Variants in MGST1 observed in about 807,000 individuals in gnomAD.
The protein encoded by MGST1 is glutathione S-transferase 12.
In MGST1, 5 loss-of-function variants were observed where a neutral mutation model predicts 8.9. The ratio of observed to expected loss-of-function variants is 0.56; its 90% CI spans 0.29 to 1.19. The LOEUF is 1.19. Ranked by LOEUF, MGST1 falls within the 50% of genes most tolerant of loss-of-function variation. The pLI is 0.08. For synonymous variants in MGST1, 54 were observed against 67.8 expected, an observed-to-expected ratio of 0.80 and a Z score of 1.00; for missense variants, 182 against 187.4, an observed-to-expected ratio of 0.97 and a Z score of 0.17.
rs889511869 is a variant in MGST1, at chr12:16,513,462, T to C, written n.483-76066T>C. On this transcript the variant is annotated intron_variant and non_coding_transcript_variant, in intron 4 of 4. Transcript: ENST00000538857. This position sits in a 1 kb window ranked among gnomAD's most constrained non-coding sequence, Gnocchi z 4.2. ...GCCTTCCACCCGGGCTCGCCTCTGA[T>C]GCCCCTGCCAGAGCCAGCTCCTGGT... 9.3e-6 allele frequency: 4 copies of C among 430,414 alleles called. No individual in the cohort carries two copies. Among genetic ancestry groups the C allele is most frequent in the African/African-American group, 4.1e-5 (2 of 48,638 alleles). The allele number at this position is 430,414 out of a possible 1,614,324, so 26.7% of individuals were successfully genotyped here.
At chr12:16,493,549 C>G (rs184279108) in intron 4 of MGST1, among the ~76,000 whole-genome samples, 121 of 152,234 alleles carry the variant, frequency 7.9e-4, no homozygotes, top group African/African-American at 2.8e-3. Flanking sequence ...CTTCAATTGG[C>G]CAAGTCCTGA....
At chr12:16,381,898 C>T (rs1417259975), downstream of MGST1, among the ~76,000 whole-genome samples, 1 of 152,194 alleles carries the variant, frequency 6.6e-6, no homozygotes, top group Non-Finnish European at 1.5e-5. Context: ...CATCTTCCAT[C>T]ACTGATACCC....
chr12:16,373,173 C>G (rs1226452234), intron 3 of MGST1, among the ~76,000 whole-genome samples: 1 of 151,530 alleles, frequency 6.6e-6, no homozygotes, highest in Non-Finnish European at 1.5e-5. Flanking sequence ...ATCTCATGTT[C>G]TCACTCATAT....
intron 4 of MGST1, among the ~76,000 whole-genome samples, chr12:16,451,765 A>C (rs1941131397): frequency 6.6e-6 from 1 of 151,894 alleles, no homozygotes; most frequent in Admixed American, 6.6e-5. Context: ...ATTATTGCAT[A>C]TCTGACTTTG....
rs1398421307 is a variant in MGST1, at chr12:16,544,394, A to C, written n.483-45134A>C. ...AAAGAGTTGTCATACAAAAGAGAAA[A>C]AGCCAAATATGATATATGTGGCTTG... On this transcript the variant is annotated intron_variant and non_coding_transcript_variant, in intron 4 of 4. Transcript: ENST00000538857. The surrounding 1 kb of genome is among the most constrained non-coding windows in gnomAD (Gnocchi z 4.8). Among the ~76,000 whole-genome samples the C allele has an allele frequency of 6.6e-6, 1 of 152,048 alleles. No individual in the cohort carries two copies. The highest frequency in any genetic ancestry group is 1.5e-5 in the Non-Finnish European group (1 of 67,966).
At chr12:16,355,549 A>G (rs574292041) in intron 2 of MGST1, among the ~76,000 whole-genome samples, 79 of 152,188 alleles carry the variant, frequency 5.2e-4, no homozygotes, top group African/African-American at 1.8e-3. Context: ...AATGGAGGGA[A>G]CACCTCTCAT....
chr12:16,533,636 G>A (rs1941736173), intron 4 of MGST1, among the ~76,000 whole-genome samples: 1 of 151,820 alleles, frequency 6.6e-6, no homozygotes, highest in South Asian at 2.1e-4. Flanking sequence ...CTGATTGATT[G>A]ATTAATGAAG....
chr12:16,467,473 C>T (rs767808157), intron 4 of MGST1, among the ~76,000 whole-genome samples: 26 of 152,148 alleles, frequency 1.7e-4, no homozygotes, highest in Admixed American at 2.0e-4. Context: ...ACAGAACTTA[C>T]TCTGAATAAA....
intron 4 of MGST1, among the ~76,000 whole-genome samples, chr12:16,493,140 G>T (rs917183921): frequency 1.3e-5 from 2 of 152,288 alleles, no homozygotes; most frequent in African/African-American, 4.8e-5. Context: ...TTATGGTTGT[G>T]CCAGTGACCA....
chr12:16,433,212 G>A (rs1294777982), intron 1 of MGST1, among the ~76,000 whole-genome samples: 1 of 151,966 alleles, frequency 6.6e-6, no homozygotes, highest in Non-Finnish European at 1.5e-5. Flanking sequence ...ATCTTTCTAC[G>A]TTCTTCTGCC....
intron 1 of MGST1, chr12:16,400,150 C>G: frequency 7.3e-7 from 1 of 1,370,784 alleles, no homozygotes. Context: ...GAGGTCATCT[C>G]GGTCATGCAT....
At position 16,548,927 on chromosome 12, in the gene MGST1, C is replaced by T. The variant is rs902339787; in HGVS notation, n.483-40601C>T. Reference sequence around the variant, plus strand: ...TCAGCATATTATGTAAAAGAAAAAGCAGTGAAAACCTTGTTTGGTCTTCCA... The same window carrying T: ...TCAGCATATTATGTAAAAGAAAAAGTAGTGAAAACCTTGTTTGGTCTTCCA... On this transcript the variant is annotated intron_variant and non_coding_transcript_variant, in intron 4 of 4. Coordinates refer to the MGST1 transcript ENST00000538857. This position sits in a 1 kb window ranked among gnomAD's most constrained non-coding sequence, Gnocchi z 4.2. The T allele has an allele frequency of 1.3e-5, 2 of 152,030 alleles. No individual in the cohort carries two copies. The highest frequency in any genetic ancestry group is 2.9e-5 in the Non-Finnish European group (2 of 67,988). 9.4% of individuals were successfully genotyped at this position (152,030 alleles called of 1,614,324 possible). A position where few individuals can be genotyped will look rare whatever the true frequency, so the allele number is the denominator to read the frequency against.
At chr12:16,388,739 A>G (rs1432855045) in intron 1 of MGST1, among the ~76,000 whole-genome samples, 1 of 152,230 alleles carries the variant, frequency 6.6e-6, no homozygotes, top group Non-Finnish European at 1.5e-5. Flanking sequence ...ACACTGGCCT[A>G]GGCATTATCA....
intron 1 of MGST1, among the ~76,000 whole-genome samples, chr12:16,421,373 G>C (rs565365278): frequency 9.2e-5 from 14 of 152,208 alleles, no homozygotes; most frequent in African/African-American, 3.4e-4. Context: ...TCAAATTATT[G>C]TTTTGTTCTC....
intron 1 of MGST1, among the ~76,000 whole-genome samples, chr12:16,384,801 C>G (rs79992593): frequency 0.023 from 3,500 of 152,324 alleles, 64 homozygotes; most frequent in Non-Finnish European, 0.037. Context: ...GAGAAAACCC[C>G]TAAGTATCTC....
intron 1 of MGST1, among the ~76,000 whole-genome samples, chr12:16,394,260 G>T (rs1301089063): frequency 6.6e-6 from 1 of 151,864 alleles, no homozygotes; most frequent in Non-Finnish European, 1.5e-5. Flanking sequence ...TTTTTTTATT[G>T]TGGCAAGTAT....
intron 4 of MGST1, among the ~76,000 whole-genome samples, chr12:16,491,937 C>T (rs1565463984): frequency 6.6e-6 from 1 of 152,112 alleles, no homozygotes; most frequent in East Asian, 1.9e-4. Flanking sequence ...TTTAAAATAT[C>T]AAGGTAGCAC....
chr12:16,541,234 CTTTG>C (rs986900659), intron 4 of MGST1, among the ~76,000 whole-genome samples: 2 of 151,906 alleles, frequency 1.3e-5, no homozygotes, highest in Non-Finnish European at 2.9e-5. Context: ...TAAATATTAT[CTTTG>C]TTTTTCTTTT....
chr12:16,471,578 G>C (rs1427254252), intron 4 of MGST1, among the ~76,000 whole-genome samples: 1 of 152,078 alleles, frequency 6.6e-6, no homozygotes, highest in Non-Finnish European at 1.5e-5. Context: ...AGGCTGTATA[G>C]CACAACAAAA....
Sources: allele counts gnomAD v4.1 joint callset (sites outside exome capture counted in the v4.1 genomes callset), GRCh38; gene constraint gnomAD v4.1.1; non-coding constraint Gnocchi (gnomAD v3.1); transcripts MANE v1.5; gene names NCBI Gene and HGNC (gene_info 2026-07-23, HGNC 2026-07-21).